Variants in SFI1 observed in about 807,000 individuals in gnomAD.
The protein encoded by SFI1 is SFI1 centrin binding protein.
In SFI1, 195 loss-of-function variants were observed where a neutral mutation model predicts 207.5. The observed-to-expected ratio is 0.94, with a 90% confidence interval of 0.84 to 1.06. SFI1 has a LOEUF of 1.06. Ranked by LOEUF, SFI1 falls within the 50% of genes least tolerant of loss-of-function variation. The pLI, the probability that SFI1 is intolerant of heterozygous loss-of-function variation, is 0.00. For missense variants in SFI1, 1,634 were observed against 1,588.0 expected (o/e 1.03, Z -0.49); for synonymous variants, 630 against 598.9 (o/e 1.05, Z -0.76).
At chr22:31,607,886 C>G (rs146506310) in intron 21 of SFI1, 51 bp from the exon 22 acceptor site, 1 of 1,560,582 alleles carries the variant, frequency 6.4e-7, no homozygotes, top group South Asian at 1.1e-5. Context: ...GGGGTGGACC[C>G]GGAAGCCAGG....
At chr22:31,496,384 G>A (rs1232232752), upstream of SFI1, 1 of 152,368 alleles carries the variant, frequency 6.6e-6, no homozygotes, top group Non-Finnish European at 1.5e-5. Flanking sequence ...TCTCATTGCT[G>A]CTGCTGCAAA....
Position 31,618,108 on chromosome 22 carries a change from C to A in SFI1, c.3513-7C>A. ...CCTGGCAGGCAGTGGGTATCTCCAC[C>A]CCTCAGGTCCTGTCGGCGGCAAGCG... On this transcript the variant is annotated splice_region_variant and splice_polypyrimidine_tract_variant and intron_variant, in intron 31 of 32. Transcript: ENST00000400288. 6.4e-7 allele frequency: 1 copy of A among 1,563,322 alleles called. No individual in the cohort carries two copies. Among genetic ancestry groups the A allele is most frequent in the Non-Finnish European group, 8.7e-7 (1 of 1,154,804 alleles).
chr22:31,529,871 A>G (rs2058294848), intron 3 of SFI1, among the ~76,000 whole-genome samples: 1 of 152,016 alleles, frequency 6.6e-6, no homozygotes, highest in South Asian at 2.1e-4. Context: ...GTTTAACTCT[A>G]TAAGACAAGC....
chr22:31,582,483 C>T (rs1405546246), intron 12 of SFI1, among the ~76,000 whole-genome samples: 1 of 151,154 alleles, frequency 6.6e-6, no homozygotes, highest in Non-Finnish European at 1.5e-5. Flanking sequence ...AACTCCTGAC[C>T]TTTGGTGATC....
intron 4 of SFI1, among the ~76,000 whole-genome samples, chr22:31,546,037 A>G (rs990867937): frequency 6.7e-5 from 10 of 149,468 alleles, no homozygotes; most frequent in Non-Finnish European, 1.2e-4. Flanking sequence ...GGACTACAAG[A>G]GCATGCCCCC....
intron 2 of SFI1, among the ~76,000 whole-genome samples, chr22:31,514,695 T>C (rs1034601753): frequency 2.0e-5 from 3 of 151,996 alleles, no homozygotes; most frequent in Admixed American, 1.3e-4. Context: ...ATATTTGTCT[T>C]TGTGTGTTTG....
At chr22:31,555,378 A>G (rs906835001) in intron 6 of SFI1, among the ~76,000 whole-genome samples, 1 of 152,184 alleles carries the variant, frequency 6.6e-6, no homozygotes, top group Non-Finnish European at 1.5e-5. Flanking sequence ...AGTCCCAGCT[A>G]CTCAAGAGGC....
chr22:31,582,202 C>CATTATATATATATATAT (rs2064283077), intron 12 of SFI1, among the ~76,000 whole-genome samples: 1 of 42,464 alleles, frequency 2.4e-5, no homozygotes, highest in African/African-American at 9.6e-5. Context: ...TTCTTTATTA[C>CATTATATATATATATAT]ATTTTATATA....
At chr22:31,598,999 G>C (rs780047535) in intron 15 of SFI1, among the ~76,000 whole-genome samples, 118 of 145,940 alleles carry the variant, frequency 8.1e-4, no homozygotes, top group Non-Finnish European at 1.5e-3. Flanking sequence ...TCACTGTGTT[G>C]GTCAGGCTGA....
intron 1 of SFI1, among the ~76,000 whole-genome samples, chr22:31,498,688 T>G (rs2053179988): frequency 6.6e-6 from 1 of 151,110 alleles, no homozygotes; most frequent in African/African-American, 2.4e-5. Context: ...TTGAAAAAGT[T>G]GAGTCAGGCC....
intron 8 of SFI1, among the ~76,000 whole-genome samples, chr22:31,568,194 T>TGTGTGTGTG (rs749787029): frequency 8.3e-4 from 77 of 92,538 alleles, no homozygotes; most frequent in African/African-American, 4.0e-3. Context: ...TGTGTGTGTG[T>TGTGTGTGTG]TGTGTGTGTG....
At chr22:31,594,880 A>G (rs1342909140) in intron 15 of SFI1, among the ~76,000 whole-genome samples, 1 of 138,854 alleles carries the variant, frequency 7.2e-6, no homozygotes, top group African/African-American at 2.7e-5. Context: ...AAAAAAAATT[A>G]GAAAGCTCAA....
At chr22:31,531,328 G>A (rs2058500062) in intron 4 of SFI1, among the ~76,000 whole-genome samples, 199 bp downstream of exon 4, 1 of 152,126 alleles carries the variant, frequency 6.6e-6, no homozygotes, top group Non-Finnish European at 1.5e-5. Flanking sequence ...CTGCATTCAT[G>A]GTGAGCTGTG....
chr22:31,549,694 G>A (rs564567137), intron 5 of SFI1, among the ~76,000 whole-genome samples: 2 of 152,120 alleles, frequency 1.3e-5, no homozygotes, highest in Non-Finnish European at 1.5e-5. Context: ...GATGATGAAA[G>A]TGAACTTATT....
rs773784949 is a variant in SFI1, at chr22:31,585,124, G to T, written c.1403G>T (p.Arg468Leu). The part of the protein sequence containing the change: ...ELWLQYTQKR[R>L]YKQLLQARAD... ...TGGCTACAGTATACTCAGAAGAGGC[G>T]GTACAAGCAGGTATGGAGTACTTTT... is the stretch of plus-strand genomic sequence containing the variant. The change falls in exon 14 of 33, where the codon CGG (arginine) becomes CTG (leucine). Residue 468 changes from arginine to leucine, a missense_variant. Physicochemically the swap from Arg to Leu is moderately radical, Grantham distance 102. Coordinates refer to ENST00000400288, the MANE Select transcript of SFI1 (RefSeq NM_001007467.3). The T allele has an allele frequency of 6.2e-7, 1 of 1,613,626 alleles. No homozygotes were observed. Among genetic ancestry groups the T allele is most frequent in the Non-Finnish European group, 8.5e-7 (1 of 1,179,700 alleles).
intron 2 of SFI1, among the ~76,000 whole-genome samples, chr22:31,514,358 A>T (rs2056146626): frequency 6.6e-6 from 1 of 151,186 alleles, no homozygotes; most frequent in South Asian, 2.1e-4. Flanking sequence ...ACAAAAAAAA[A>T]TTAGCTGGGC....
Position 31,584,399 on chromosome 22 carries a change from A to G in SFI1, c.1346+427A>G, listed in dbSNP as rs575952835. On this transcript the variant is annotated intron_variant, in intron 13 of 32. Coordinates refer to ENST00000400288, the MANE Select transcript of SFI1 (RefSeq NM_001007467.3). ...AAAAACACTACATTTCTGTGAGGAA[A>G]ACTCAGAATGTATAGGGTGGAAAGT... Among the ~76,000 whole-genome samples the G allele has an allele frequency of 2.0e-5, 3 of 152,280 alleles. No homozygotes were observed. The South Asian group carries it at 6.2e-4, about 32-fold the overall frequency.
intron 27 of SFI1, 169 bp from the exon 28 acceptor site, chr22:31,614,620 G>C (rs1603366996): frequency 6.7e-6 from 5 of 746,350 alleles, no homozygotes; most frequent in African/African-American, 1.7e-5. Flanking sequence ...CCTTTTGTCG[G>C]AACTGCTGGG....
chr22:31,557,620 T>G (rs2061296796), intron 7 of SFI1, among the ~76,000 whole-genome samples: 1 of 152,248 alleles, frequency 6.6e-6, no homozygotes, highest in Non-Finnish European at 1.5e-5. Context: ...AAACCCTGTG[T>G]TAAGTTTGTG....
Sources: gnomAD v4.1 joint callset for allele counts (sites outside exome capture counted in the v4.1 genomes callset) on GRCh38, gnomAD v4.1.1 for gene constraint, MANE v1.5 for transcripts, NCBI Gene and HGNC (gene_info 2026-07-23, HGNC 2026-07-21) for gene names.